The following GRIN2A variants were observed in gnomAD, a reference collection of about 807,000 sequenced individuals.
GRIN2A encodes glutamate ionotropic receptor NMDA type subunit 2A.
Under a neutral mutation model 113.4 loss-of-function variants are expected in GRIN2A, and 22 were observed. That is an observed-to-expected ratio of 0.19 (90% CI 0.14 to 0.28). The LOEUF is 0.28. Ranked by LOEUF, GRIN2A falls within the 10% of genes least tolerant of loss-of-function variation. The pLI is 1.00. For synonymous variants in GRIN2A, 827 were observed against 738.4 expected, an observed-to-expected ratio of 1.12 and a Z score of -1.94; for missense variants, 1,502 against 1,887.0, an observed-to-expected ratio of 0.80 and a Z score of 3.78.
intron 2 of GRIN2A, chr16:10,031,349 T>G (rs191581077): frequency 2.0e-5 from 3 of 152,340 alleles, no homozygotes; most frequent in African/African-American, 7.2e-5. Context: ...ACTTCAAATG[T>G]CAGCACAAGA....
chr16:9,812,020 G>T (rs1303576702), intron 10 of GRIN2A, among the ~76,000 whole-genome samples: 1 of 152,196 alleles, frequency 6.6e-6, no homozygotes, highest in Non-Finnish European at 1.5e-5. Flanking sequence ...GAGAACTTTT[G>T]AAGTAAAAAT....
At chr16:10,103,642 A>G (rs143645367) in intron 2 of GRIN2A, among the ~76,000 whole-genome samples, 1 of 152,320 alleles carries the variant, frequency 6.6e-6, no homozygotes, top group African/African-American at 2.4e-5. Flanking sequence ...AAAATCTACA[A>G]AACAAGAGAG....
chr16:9,981,637 C>T (rs1319289105), intron 2 of GRIN2A, among the ~76,000 whole-genome samples: 1 of 152,104 alleles, frequency 6.6e-6, no homozygotes, highest in African/African-American at 2.4e-5. Context: ...CATCACAATA[C>T]CATCATCACA....
chr16:9,830,969 C>T lies in GRIN2A; in HGVS notation c.1778-1317G>A, dbSNP rs944251651. On this transcript the variant is annotated intron_variant, in intron 8 of 12. Coordinates refer to ENST00000330684, the MANE Select transcript of GRIN2A (RefSeq NM_001134407.3). Reference sequence around the variant, plus strand: ...TCAGAAATGACAGCTATTTAGGAATCAGATGTAGGCAGTTCAGAAGGATCG... The same window carrying T: ...TCAGAAATGACAGCTATTTAGGAATTAGATGTAGGCAGTTCAGAAGGATCG... Among the ~76,000 whole-genome samples the T allele has an allele frequency of 3.3e-5, 5 of 151,858 alleles. No individual in the cohort carries two copies. The East Asian group carries it at 7.7e-4, about 23-fold the overall frequency.
intron 11 of GRIN2A, among the ~76,000 whole-genome samples, chr16:9,781,923 G>T (rs1901958051): frequency 6.6e-6 from 1 of 152,134 alleles, no homozygotes; most frequent in South Asian, 2.1e-4. Context: ...AATTGTGAAA[G>T]CAGATAGTAT....
rs569003800 is a variant in GRIN2A at position 10,070,799 on chromosome 16, C to A, written c.414+109199G>T. Reference sequence around the variant, plus strand: ...AGCCAGTTCTGCAGACTGCCTCACACGCAGACCATCTGGACCGCTTATAGA... The same window carrying A: ...AGCCAGTTCTGCAGACTGCCTCACAAGCAGACCATCTGGACCGCTTATAGA... On this transcript the variant is annotated intron_variant, in intron 2 of 12. Transcript: ENST00000330684. Among the ~76,000 whole-genome samples the A allele has an allele frequency of 3.9e-5, 6 of 152,342 alleles. No homozygotes were observed. In the South Asian group the frequency reaches 1.2e-3, roughly 32 times the overall value.
intron 2 of GRIN2A, among the ~76,000 whole-genome samples, chr16:10,055,651 C>CAATAGACAACATCAG (rs1170877646): frequency 6.6e-6 from 1 of 152,172 alleles, no homozygotes; most frequent in Non-Finnish European, 1.5e-5. Context: ...TCAGTCACTT[C>CAATAGACAACATCAG]AATAGACAAC....
At chr16:9,851,744 G>A (rs572608916) in intron 4 of GRIN2A, among the ~76,000 whole-genome samples, 1 of 152,300 alleles carries the variant, frequency 6.6e-6, no homozygotes, top group East Asian at 1.9e-4. Flanking sequence ...GTAGCCTTGG[G>A]AAAGTCATTC....
intron 2 of GRIN2A, among the ~76,000 whole-genome samples, chr16:10,035,291 G>A (rs1032532803): frequency 1.3e-5 from 2 of 152,088 alleles, no homozygotes; most frequent in Admixed American, 6.5e-5. Flanking sequence ...CTCTCAAAAT[G>A]CTGAGATTAC....
intron 4 of GRIN2A, among the ~76,000 whole-genome samples, chr16:9,873,749 T>G (rs928836635): frequency 6.6e-6 from 1 of 152,258 alleles, no homozygotes; most frequent in Non-Finnish European, 1.5e-5. Context: ...GTATACAGCA[T>G]GGATGTCAGG....
intron 3 of GRIN2A, among the ~76,000 whole-genome samples, chr16:9,912,185 G>T: frequency 6.6e-6 from 1 of 152,114 alleles, no homozygotes; most frequent in Non-Finnish European, 1.5e-5. Context: ...GGGAAAAAAA[G>T]GAAGAAGATG....
At chr16:9,832,508 T>C (rs2042514783) in intron 8 of GRIN2A, among the ~76,000 whole-genome samples, 1 of 152,140 alleles carries the variant, frequency 6.6e-6, no homozygotes, top group South Asian at 2.1e-4. Context: ...AGTTTGTGTG[T>C]CTACATGTTA....
chr16:9,843,164 G>A (rs538433408), intron 5 of GRIN2A, among the ~76,000 whole-genome samples: 6 of 151,880 alleles, frequency 4.0e-5, no homozygotes, highest in South Asian at 4.2e-4. Flanking sequence ...ATTTTGGAAC[G>A]GTGAAAAACA....
At chr16:9,941,303 G>A (rs2044869579) in intron 2 of GRIN2A, among the ~76,000 whole-genome samples, 1 of 152,194 alleles carries the variant, frequency 6.6e-6, no homozygotes, top group Non-Finnish European at 1.5e-5. Context: ...GACATGACCA[G>A]GGTACCCATG....
chr16:9,877,653 T>C, intron 4 of GRIN2A, among the ~76,000 whole-genome samples: 1 of 102,874 alleles, frequency 9.7e-6, no homozygotes, highest in African/African-American at 3.9e-5. Flanking sequence ...TCTCTCCCTC[T>C]CCCCCCTCTC....
intron 3 of GRIN2A, among the ~76,000 whole-genome samples, chr16:9,905,007 A>G (rs1289766010): frequency 6.6e-6 from 1 of 152,254 alleles, no homozygotes. Flanking sequence ...ATTATGGACC[A>G]CAAATTAAGA....
At chr16:9,832,019 A>G (rs971500730) in intron 8 of GRIN2A, among the ~76,000 whole-genome samples, 5 of 152,164 alleles carry the variant, frequency 3.3e-5, no homozygotes, top group African/African-American at 1.2e-4. Context: ...CCTGGGCTCA[A>G]GTAATTCTCC....
chr16:9,864,430 A>G (rs1287807352), intron 4 of GRIN2A, among the ~76,000 whole-genome samples: 1 of 131,992 alleles, frequency 7.6e-6, no homozygotes, highest in Non-Finnish European at 1.6e-5. Flanking sequence ...CTCTATGGCA[A>G]GTTTTTTTTT....
At chr16:10,083,309 A>T (rs932038202) in intron 2 of GRIN2A, among the ~76,000 whole-genome samples, 1 of 152,202 alleles carries the variant, frequency 6.6e-6, no homozygotes, top group Non-Finnish European at 1.5e-5. Context: ...GCTTATGTAC[A>T]TGAGAAGACG....
Sources: gnomAD v4.1 joint callset for allele counts (sites outside exome capture counted in the v4.1 genomes callset) on GRCh38, gnomAD v4.1.1 for gene constraint, MANE v1.5 for transcripts, NCBI Gene and HGNC (gene_info 2026-07-23, HGNC 2026-07-21) for gene names.